DIS3L: variants seen among roughly 807,000 people sequenced by gnomAD.
The protein encoded by DIS3L is DIS3 like exosome 3'-5' exoribonuclease.
DIS3L carries 100 observed loss-of-function variants against 120.3 expected under a neutral mutation model. The observed-to-expected ratio is 0.83, with a 90% confidence interval of 0.71 to 0.98. The LOEUF is 0.98. Among genes scored for constraint, DIS3L ranks in the 50% least tolerant of loss-of-function variants. The probability of loss-of-function intolerance (pLI) is 0.00; values close to 1 mark genes in which losing one functional copy is unlikely to be tolerated. For synonymous variants in DIS3L, 426 were observed against 470.6 expected (o/e 0.91, Z 1.23); for missense variants, 1,196 against 1,314.2 (o/e 0.91, Z 1.39).
At chr15:66,307,051 A>G in intron 3 of DIS3L, 99 bp downstream of exon 3, 1 of 1,460,366 alleles carries the variant, frequency 6.8e-7, no homozygotes, top group Non-Finnish European at 9.3e-7. Context: ...GCTAGAACAA[A>G]CCAACAATTA....
chr15:66,329,012 C>T lies in DIS3L; in HGVS notation c.2244C>T (p.Asp748=). 1 of 1,614,028 alleles carries T rather than the reference C, an allele frequency of 6.2e-7. No individual in the cohort carries two copies. The highest frequency in any genetic ancestry group is 1.6e-4 in the Middle Eastern group (1 of 6,062). ...CTGATTCTCTGGATAATGCGAACGA[C>T]CCCCACGATCCCATTGTGAACAGGC... is the stretch of plus-strand genomic sequence containing the variant. The part of the protein sequence containing the change: ...TLADSLDNAN[D]PHDPIVNRLL... The change falls in exon 13 of 17, where the codon GAC becomes GAT. Residue 748 remains aspartate (D), a synonymous_variant. Coordinates refer to ENST00000319212, the MANE Select transcript of DIS3L (RefSeq NM_001143688.3).
intron 8 of DIS3L, among the ~76,000 whole-genome samples, chr15:66,319,347 GACA>G (rs1282660735): frequency 6.6e-6 from 1 of 152,130 alleles, no homozygotes; most frequent in African/African-American, 2.4e-5. Flanking sequence ...AGCTGTGTAG[GACA>G]ACCAGAGAGA....
intron 3 of DIS3L, among the ~76,000 whole-genome samples, 172 bp downstream of exon 3, chr15:66,307,124 A>T (rs1012927974): frequency 6.6e-6 from 1 of 152,182 alleles, no homozygotes; most frequent in Non-Finnish European, 1.5e-5. Flanking sequence ...TATCATTTGA[A>T]TATATAACTG....
intron 5 of DIS3L, among the ~76,000 whole-genome samples, chr15:66,313,231 T>C (rs2092780333): frequency 6.6e-6 from 1 of 151,910 alleles, no homozygotes; most frequent in South Asian, 2.1e-4. Flanking sequence ...CTTGACCTCG[T>C]GATCCACCCA....
intron 2 of DIS3L, among the ~76,000 whole-genome samples, chr15:66,302,055 C>T (rs1204393360): frequency 6.6e-6 from 1 of 152,116 alleles, no homozygotes; most frequent in Non-Finnish European, 1.5e-5. Flanking sequence ...GCAGACACAT[C>T]AGTATTTGCA....
In DIS3L at chr15:66,303,846, C is replaced by A. The variant is rs182692811; in HGVS notation, c.294-2978C>A. 3.6e-3 allele frequency among the ~76,000 whole-genome samples: 553 copies of A among 152,130 alleles called. 2 individuals are homozygous for A. Among genetic ancestry groups the A allele is most frequent in the African/African-American group, 0.013 (529 of 41,498 alleles). ...GTGGCTCATGCCTGTAATCCCAGCA[C>A]TTTGGGAGGCCGAGGCGGGTGGATC... is the stretch of plus-strand genomic sequence containing the variant. On this transcript the variant is annotated intron_variant, in intron 2 of 16. Transcript: ENST00000319212.
In DIS3L at chr15:66,322,684, CA is replaced by C. The variant is rs1317617221; in HGVS notation, c.1327-2del. 2 of 1,613,544 alleles carry C rather than the reference CA, an allele frequency of 1.2e-6. No individual in the cohort carries two copies. Among genetic ancestry groups the C allele is most frequent in the South Asian group, 2.2e-5 (2 of 91,048 alleles). On this transcript the variant is annotated splice_acceptor_variant, in intron 9 of 16. Coordinates refer to ENST00000319212, the MANE Select transcript of DIS3L (RefSeq NM_001143688.3). LOFTEE classifies it high-confidence loss of function. ...ATTGCTGAATATTTGGTTTCTCATA[CA>C]GATGTGTGAGATGCCAGTAAACACA...
upstream of DIS3L, chr15:66,293,329 C>A (rs1392489263): frequency 1.0e-5 from 4 of 382,524 alleles, no homozygotes; most frequent in Non-Finnish European, 1.2e-5. Context: ...TCTTCACCTG[C>A]CGTCCAGGTA....
intron 4 of DIS3L, 147 bp downstream of exon 4, chr15:66,308,991 TC>T: frequency 1.3e-6 from 1 of 756,616 alleles, no homozygotes; most frequent in Non-Finnish European, 1.9e-6. Flanking sequence ...ATGCCTGTAA[TC>T]CCAGCACTTG....
At chr15:66,296,191 TA>T (rs765488496) in intron 2 of DIS3L, among the ~76,000 whole-genome samples, 1 of 152,366 alleles carries the variant, frequency 6.6e-6, no homozygotes, top group Non-Finnish European at 1.5e-5. Context: ...TTCAGATTGC[TA>T]ACACACTGCG....
intron 2 of DIS3L, among the ~76,000 whole-genome samples, chr15:66,300,751 G>C (rs2092639084): frequency 6.6e-6 from 1 of 152,184 alleles, no homozygotes; most frequent in South Asian, 2.1e-4. Context: ...GAACACTAGA[G>C]GAAGCCTGGG....
At chr15:66,310,441 A>G (rs1231669309) in intron 4 of DIS3L, among the ~76,000 whole-genome samples, 1 of 152,178 alleles carries the variant, frequency 6.6e-6, no homozygotes, top group Non-Finnish European at 1.5e-5. Flanking sequence ...TCTCAAGAAA[A>G]CTGTGTGACC....
At chr15:66,293,993 C>A in intron 1 of DIS3L, 2 of 990,934 alleles carry the variant, frequency 2.0e-6, no homozygotes, top group Non-Finnish European at 2.4e-6. Flanking sequence ...AGACCCGCAC[C>A]CCATGCCGGA....
chr15:66,298,644 T>G (rs2092615570), intron 2 of DIS3L, among the ~76,000 whole-genome samples: 3 of 152,362 alleles, frequency 2.0e-5, no homozygotes, highest in Admixed American at 6.5e-5. Context: ...CTCATAAGTG[T>G]ATTGCACAGA....
intron 13 of DIS3L, 43 bp from the exon 14 acceptor site, chr15:66,329,178 A>G (rs1351003961): frequency 5.0e-6 from 8 of 1,587,512 alleles, no homozygotes; most frequent in Non-Finnish European, 6.8e-6. Flanking sequence ...AGTTATTTTA[A>G]AATAGTTTTT....
chr15:66,308,302 A>G (rs776143885), intron 3 of DIS3L, among the ~76,000 whole-genome samples: 5 of 152,186 alleles, frequency 3.3e-5, no homozygotes, highest in Non-Finnish European at 5.9e-5. Flanking sequence ...CTATTGGATT[A>G]TGATCTTCAG....
chr15:66,309,007 G>A (rs1013357465), intron 4 of DIS3L, among the ~76,000 whole-genome samples, 163 bp downstream of exon 4: 7 of 144,732 alleles, frequency 4.8e-5, no homozygotes, highest in African/African-American at 1.0e-4. Flanking sequence ...CACTTGGGAG[G>A]CTGAGATGGG....
intron 2 of DIS3L, among the ~76,000 whole-genome samples, chr15:66,303,762 T>C (rs1421457944): frequency 1.3e-5 from 2 of 152,106 alleles, no homozygotes; most frequent in African/African-American, 4.8e-5. Context: ...ATTACCGAAC[T>C]GTGTAAGGCA....
intron 5 of DIS3L, among the ~76,000 whole-genome samples, chr15:66,312,156 C>T (rs1431029036): frequency 6.6e-6 from 1 of 150,552 alleles, no homozygotes; most frequent in Admixed American, 6.7e-5. Context: ...TGCAGTGAGC[C>T]ATGATTGCAC....
Sources: gnomAD v4.1 joint callset for allele counts (sites outside exome capture counted in the v4.1 genomes callset) on GRCh38, gnomAD v4.1.1 for gene constraint, MANE v1.5 for transcripts, NCBI Gene and HGNC (gene_info 2026-07-23, HGNC 2026-07-21) for gene names.